Variants in ITGA2 observed in about 807,000 individuals in gnomAD.
ITGA2 encodes the protein integrin alpha-2.
Under a neutral mutation model 146.3 loss-of-function variants are expected in ITGA2, and 101 were observed. The ratio of observed to expected loss-of-function variants is 0.69; its 90% CI spans 0.59 to 0.81. ITGA2 has a LOEUF of 0.81. Among genes scored for constraint, ITGA2 ranks in the 40% least tolerant of loss-of-function variants. The pLI, the probability that ITGA2 is intolerant of heterozygous loss-of-function variation, is 0.00. For missense variants in ITGA2, 1,281 were observed against 1,402.7 expected (o/e 0.91, Z 1.39); for synonymous variants, 477 against 487.1 (o/e 0.98, Z 0.27).
intron 13 of ITGA2, 60 bp downstream of exon 13, chr5:53,062,989 C>T: frequency 7.3e-7 from 1 of 1,375,414 alleles, no homozygotes. Flanking sequence ...ATTTAACTTG[C>T]ATTTGGAAAG....
At chr5:53,048,317 G>T (rs746740142) in intron 4 of ITGA2, 46 bp from the exon 5 acceptor site, 21 of 1,399,074 alleles carry the variant, frequency 1.5e-5, no homozygotes, top group Admixed American at 3.3e-5. Flanking sequence ...TAGAAGGTTT[G>T]CATTTTTCAT....
At chr5:53,004,391 T>C (rs1366660890) in intron 1 of ITGA2, among the ~76,000 whole-genome samples, 1 of 152,180 alleles carries the variant, frequency 6.6e-6, no homozygotes, top group African/African-American at 2.4e-5. Flanking sequence ...AAAAAGTATT[T>C]TTCATATTGT....
intron 12 of ITGA2, 60 bp from the exon 13 acceptor site, chr5:53,062,726 G>A (rs1744954476): frequency 6.5e-7 from 1 of 1,537,460 alleles, no homozygotes; most frequent in Non-Finnish European, 9.0e-7. Context: ...AATGTTCAGT[G>A]TAATATTAGA....
intron 9 of ITGA2, among the ~76,000 whole-genome samples, chr5:53,056,742 G>C (rs1744652540): frequency 6.6e-6 from 1 of 151,742 alleles, no homozygotes; most frequent in Non-Finnish European, 1.5e-5. Context: ...AGGTGGCCTT[G>C]GAAAATCTAG....
Position 53,070,247 on chromosome 5 carries a change from T to A in ITGA2, c.2222T>A (p.Ile741Asn). The A allele has an allele frequency of 6.2e-7, 1 of 1,611,798 alleles. No individual in the cohort carries two copies. The highest frequency in any genetic ancestry group is 8.5e-7 in the Non-Finnish European group (1 of 1,178,508). The part of the protein sequence containing the change: ...VNQAQSCPEH[I>N]IYIQEPSDVV... ...CAAGCACAGAGTTGCCCCGAGCACA[T>A]CATTTATATACAGGTAAGGCCTCAG... is the stretch of plus-strand genomic sequence containing the variant. Residue 741 changes from isoleucine to asparagine, a missense_variant, in exon 17 of 30, where the codon ATC (isoleucine) becomes AAC (asparagine). This residue lies in a region of ITGA2 where 475 missense variants were observed against 530.5 expected (regional missense o/e 0.90). Coordinates refer to ENST00000296585, the MANE Select transcript of ITGA2 (RefSeq NM_002203.4).
chr5:53,063,428 T>A (rs1454135082), intron 13 of ITGA2, among the ~76,000 whole-genome samples: 2 of 151,900 alleles, frequency 1.3e-5, no homozygotes, highest in African/African-American at 4.8e-5. Context: ...CATTTAGGCA[T>A]GTATCCAACT....
intron 13 of ITGA2, among the ~76,000 whole-genome samples, chr5:53,064,307 A>G (rs1041626259): frequency 6.6e-6 from 1 of 151,910 alleles, no homozygotes; most frequent in Non-Finnish European, 1.5e-5. Flanking sequence ...ATAGATGAAG[A>G]TCGTATTATT....
chr5:53,005,993 G>A (rs112931336), intron 1 of ITGA2, among the ~76,000 whole-genome samples: 35 of 152,084 alleles, frequency 2.3e-4, no homozygotes, highest in Middle Eastern at 3.4e-3. Context: ...GTTCTCACTC[G>A]TAAGTGGAAG....
At chr5:53,079,478 T>A (rs144462919) in intron 24 of ITGA2, among the ~76,000 whole-genome samples, 1 of 152,280 alleles carries the variant, frequency 6.6e-6, no homozygotes, top group Non-Finnish European at 1.5e-5. Flanking sequence ...TTACTACCAG[T>A]TAAAGATAAA....
chr5:52,989,468 G>A lies in ITGA2; in HGVS notation c.-1G>A, dbSNP rs763608390. ...ACTACGGTCCCCCGGTCAGACCCAG[G>A]ATGGGGCCAGAACGGACAGGGGCCG... On this transcript the variant is annotated 5_prime_UTR_variant, in exon 1 of 30. Coordinates refer to ENST00000296585, the MANE Select transcript of ITGA2 (RefSeq NM_002203.4). 1.9e-6 allele frequency: 3 copies of A among 1,614,192 alleles called. No individual in the cohort carries two copies. Among genetic ancestry groups the A allele is most frequent in the East Asian group, 2.2e-5 (1 of 44,874 alleles).
At chr5:53,019,894 A>C (rs1448547852) in intron 1 of ITGA2, among the ~76,000 whole-genome samples, 1 of 152,092 alleles carries the variant, frequency 6.6e-6, no homozygotes, top group Non-Finnish European at 1.5e-5. Context: ...TATTATTATA[A>C]TTGTTCTGTT....
Position 53,009,807 on chromosome 5 carries a change from C to G in ITGA2, c.65-16941C>G, listed in dbSNP as rs142924608. On this transcript the variant is annotated intron_variant, in intron 1 of 29. Coordinates refer to ENST00000296585, the MANE Select transcript of ITGA2 (RefSeq NM_002203.4). Reference sequence around the variant, plus strand: ...TAGGTCATGTGGATAGAGCTGTCTTCCTGCCTTGTGAGGATGCAACAAGAA... The same window carrying G: ...TAGGTCATGTGGATAGAGCTGTCTTGCTGCCTTGTGAGGATGCAACAAGAA... 1.2e-3 allele frequency among the ~76,000 whole-genome samples: 180 copies of G among 152,220 alleles called. 2 individuals carry two copies. In the South Asian group the frequency reaches 0.028, roughly 23 times the overall value.
At position 53,093,430 on chromosome 5, in the gene ITGA2, TCCTTGCAGGGGCTGTCCTGTA is replaced by T. The variant is rs1740535864; in HGVS notation, c.*2837_*2857del. On this transcript the variant is annotated 3_prime_UTR_variant, in exon 30 of 30. Transcript: ENST00000296585. ...CTGTCATTTGGGGCCAGGTGATTCT[TCCTTGCAGGGGCTGTCCTGTA>T]CCTTGTAGGACAGCAGCCCTGTCCT... 6.6e-6 allele frequency: 1 copy of T among 152,284 alleles called. No homozygotes were observed. Among genetic ancestry groups the T allele is most frequent in the East Asian group, 1.9e-4 (1 of 5,176 alleles). 9.4% of individuals were successfully genotyped at this position (152,284 alleles called of 1,614,324 possible). A position where few individuals can be genotyped will look rare whatever the true frequency, so the allele number is the denominator to read the frequency against.
chr5:53,090,746 G>A lies in ITGA2; in HGVS notation c.*147G>A, dbSNP rs1740374492. The A allele has an allele frequency of 2.5e-6, 1 of 400,422 alleles. No individual in the cohort carries two copies. Among genetic ancestry groups the A allele is most frequent in the African/African-American group, 2.3e-5 (1 of 43,536 alleles). 24.8% of individuals were successfully genotyped at this position (400,422 alleles called of 1,614,324 possible). A position where few individuals can be genotyped will look rare whatever the true frequency, so the allele number is the denominator to read the frequency against. ...TATTTTAAGAGAAAACTGCAGGTCA[G>A]TTTGGAATGAAGAAATTGTGGGGGG... On this transcript the variant is annotated 3_prime_UTR_variant, in exon 30 of 30. Coordinates refer to ENST00000296585, the MANE Select transcript of ITGA2 (RefSeq NM_002203.4).
At chr5:52,997,638 T>A (rs1741338625) in intron 1 of ITGA2, among the ~76,000 whole-genome samples, 1 of 152,192 alleles carries the variant, frequency 6.6e-6, no homozygotes, top group Non-Finnish European at 1.5e-5. Context: ...GCAGGCCTGA[T>A]CTCATTTCCA....
chr5:53,037,502 A>T (rs963866715), intron 2 of ITGA2, among the ~76,000 whole-genome samples: 1 of 152,210 alleles, frequency 6.6e-6, no homozygotes, highest in South Asian at 2.1e-4. Flanking sequence ...GTAAAATTTC[A>T]TAGAGAAATA....
At chr5:52,998,873 C>G (rs1298641728) in intron 1 of ITGA2, among the ~76,000 whole-genome samples, 1 of 152,134 alleles carries the variant, frequency 6.6e-6, no homozygotes, top group Non-Finnish European at 1.5e-5. Flanking sequence ...GAATGAAGGC[C>G]AAGCTGAAAA....
intron 2 of ITGA2, among the ~76,000 whole-genome samples, chr5:53,037,806 T>G (rs1743560854): frequency 6.6e-6 from 1 of 152,196 alleles, no homozygotes; most frequent in South Asian, 2.1e-4. Flanking sequence ...GAAACCCTTG[T>G]TCTTCAAGAG....
At chr5:53,062,717 A>G in intron 12 of ITGA2, 69 bp from the exon 13 acceptor site, 1 of 1,508,898 alleles carries the variant, frequency 6.6e-7, no homozygotes, top group Admixed American at 1.7e-5. Context: ...GAGCAAGTAA[A>G]TGTTCAGTGT....
Sources: allele counts gnomAD v4.1 joint callset (sites outside exome capture counted in the v4.1 genomes callset), GRCh38; gene constraint gnomAD v4.1.1; regional missense constraint gnomAD v4.1.1; transcripts MANE v1.5; gene names NCBI Gene and HGNC (gene_info 2026-07-23, HGNC 2026-07-21).